The following OCA2 variants were observed in gnomAD, a reference collection of about 807,000 sequenced individuals.
OCA2 encodes OCA2 melanosomal transmembrane protein.
In OCA2, 77 loss-of-function variants were observed where a neutral mutation model predicts 100.2. That is an observed-to-expected ratio of 0.77 (90% CI 0.64 to 0.93). The LOEUF (loss-of-function observed/expected upper bound fraction) is 0.93. OCA2 is among the 40% of genes least tolerant of loss of function. The pLI is 0.00. For synonymous variants in OCA2, 432 were observed against 439.2 expected (o/e 0.98, Z 0.21); for missense variants, 1,062 against 1,089.1 (o/e 0.98, Z 0.35).
At chr15:27,726,213 G>T in the OCA2 span, among the ~76,000 whole-genome samples, 1 of 151,958 alleles carries the variant, frequency 6.6e-6, no homozygotes, top group Non-Finnish European at 1.5e-5. Context: ...CAGGAGAATC[G>T]CTCTAATCTG....
intron 1 of OCA2, among the ~76,000 whole-genome samples, chr15:28,087,797 A>C (rs2141947289): frequency 6.6e-6 from 1 of 152,258 alleles, no homozygotes; most frequent in African/African-American, 2.4e-5. Context: ...ACGGTGGCTC[A>C]CAACCTGTAA....
At chr15:28,064,358 T>C (rs979614601) in intron 2 of OCA2, among the ~76,000 whole-genome samples, 2 of 149,808 alleles carry the variant, frequency 1.3e-5, no homozygotes, top group Non-Finnish European at 3.0e-5. Context: ...TCTGGTCCTT[T>C]CTCTCTCTCT....
intron 19 of OCA2, among the ~76,000 whole-genome samples, chr15:27,883,466 A>T (rs537029227): frequency 1.8e-4 from 28 of 152,152 alleles, no homozygotes; most frequent in Non-Finnish European, 1.3e-4. Context: ...TCTTGCCAAT[A>T]TCTAAAATTT....
chr15:27,930,466 G>C lies in OCA2; in HGVS notation c.1952-4212C>G, dbSNP rs992939701. On this transcript the variant is annotated intron_variant, in intron 18 of 23. Coordinates refer to ENST00000354638, the MANE Select transcript of OCA2 (RefSeq NM_000275.3). ...CAGGGTTTGACAAGCTATAGTCCAT[G>C]GGTCAAATCTGACCCCCTGCTTGTT... Among the ~76,000 whole-genome samples the C allele has an allele frequency of 2.0e-5, 3 of 151,808 alleles. 1 individual carries two copies.
Position 27,871,187 on chromosome 15 carries a change from G to T in OCA2, c.2211C>A (p.Ser737=). 6.2e-7 allele frequency: 1 copy of T among 1,614,004 alleles called. No individual in the cohort carries two copies. The highest frequency in any genetic ancestry group is 8.5e-7 in the Non-Finnish European group (1 of 1,179,944). The change falls in exon 21 of 24, where the codon TCC becomes TCA. Residue 737 remains serine, a synonymous_variant. Coordinates refer to ENST00000354638, the MANE Select transcript of OCA2 (RefSeq NM_000275.3). ...LVVWVSALAS[S]LIDNIPFTAT... ...CAGTGAACGGGATGTTGTCAATCAGGGACGACGCCAGGGCTGAGACCCACA... is the reference window on the plus strand; with the variant it reads ...CAGTGAACGGGATGTTGTCAATCAGTGACGACGCCAGGGCTGAGACCCACA...
At chr15:28,011,977 C>T (rs1306141073) in intron 9 of OCA2, among the ~76,000 whole-genome samples, 1 of 125,438 alleles carries the variant, frequency 8.0e-6, no homozygotes, top group Non-Finnish European at 1.7e-5. Context: ...GCTTTGTCTC[C>T]AAAAAAAAAA....
chr15:27,987,328 G>T (rs146753260), intron 11 of OCA2, among the ~76,000 whole-genome samples: 117 of 152,278 alleles, frequency 7.7e-4, no homozygotes, highest in African/African-American at 2.7e-3. Flanking sequence ...GAATGTTCTG[G>T]AAGTTCCTCT....
intron 23 of OCA2, among the ~76,000 whole-genome samples, chr15:27,770,084 C>G (rs1418300869): frequency 6.6e-6 from 1 of 152,176 alleles, no homozygotes; most frequent in Admixed American, 6.5e-5. Context: ...GCCTGCAGTG[C>G]CCCCCACCCC....
At position 27,854,302 on chromosome 15, in the gene OCA2, T is replaced by C. The variant is rs552753614; in HGVS notation, c.2245-2827A>G. Among the ~76,000 whole-genome samples the C allele has an allele frequency of 2.0e-5, 3 of 152,020 alleles. No homozygotes were observed. The East Asian group carries it at 5.8e-4, about 29-fold the overall frequency. On this transcript the variant is annotated intron_variant, in intron 21 of 23. Transcript: ENST00000354638. Reference sequence around the variant, plus strand: ...CAGGGTCCGCCCAGCCCCAGCGGAGTCCAGACCAGGAAGCTGCAGCCAGGC... The same window carrying C: ...CAGGGTCCGCCCAGCCCCAGCGGAGCCCAGACCAGGAAGCTGCAGCCAGGC...
At chr15:27,730,732 A>AATATATTTTTATATATATAT in the OCA2 span, among the ~76,000 whole-genome samples, 5 of 102,012 alleles carry the variant, frequency 4.9e-5, no homozygotes, top group African/African-American at 1.7e-4. Flanking sequence ...AAAAAGACCA[A>AATATATTTTTATATATATAT]ATATATATAT....
chr15:28,059,542 G>A (rs1213072925), intron 2 of OCA2, among the ~76,000 whole-genome samples: 4 of 152,138 alleles, frequency 2.6e-5, no homozygotes, highest in Admixed American at 6.5e-5. Context: ...CCCTGTCTCA[G>A]AAATAGTAAT....
intron 9 of OCA2, among the ~76,000 whole-genome samples, chr15:28,004,859 T>A (rs534472278): frequency 6.6e-6 from 1 of 151,930 alleles, no homozygotes; most frequent in East Asian, 2.0e-4. Context: ...AGTCACACAC[T>A]CACATGCACC....
intron 15 of OCA2, among the ~76,000 whole-genome samples, chr15:27,961,101 T>C (rs2040396411): frequency 6.6e-6 from 1 of 151,726 alleles, no homozygotes. Flanking sequence ...TAAACAAATT[T>C]ACAAGAAAAA....
At chr15:27,840,722 G>T (rs60209080) in intron 23 of OCA2, among the ~76,000 whole-genome samples, 11,764 of 152,102 alleles carry the variant, frequency 0.077, 514 homozygotes, top group African/African-American at 0.11. Context: ...AAAAATAAAA[G>T]AAAATAAAAC....
chr15:27,970,388 G>A (rs1281575503), intron 14 of OCA2, among the ~76,000 whole-genome samples: 2 of 152,194 alleles, frequency 1.3e-5, no homozygotes, highest in African/African-American at 4.8e-5. Context: ...ACACCCAAGG[G>A]AGTGGGGGAA....
chr15:28,026,265 A>G (rs2042744416), intron 4 of OCA2, among the ~76,000 whole-genome samples: 1 of 152,238 alleles, frequency 6.6e-6, no homozygotes, highest in Admixed American at 6.5e-5. Flanking sequence ...ACTGAATGCA[A>G]AAGTCTCAAA....
chr15:27,828,292 A>T (rs2151301744), intron 23 of OCA2, among the ~76,000 whole-genome samples: 1 of 152,252 alleles, frequency 6.6e-6, no homozygotes, highest in South Asian at 2.1e-4. Flanking sequence ...GTTCCCAAGG[A>T]GATTTCCACT....
At chr15:27,733,102 T>C in the OCA2 span, among the ~76,000 whole-genome samples, 1 of 152,230 alleles carries the variant, frequency 6.6e-6, no homozygotes, top group African/African-American at 2.4e-5. Flanking sequence ...ATGCCTGCAT[T>C]CTTTTGAACT....
chr15:27,847,897 C>A (rs1044954736), intron 22 of OCA2, among the ~76,000 whole-genome samples: 5 of 152,186 alleles, frequency 3.3e-5, no homozygotes, highest in African/African-American at 4.8e-5. Context: ...CCAGACACAG[C>A]GACAGCAGAG....
Sources: gnomAD v4.1 joint callset for allele counts (sites outside exome capture counted in the v4.1 genomes callset) on GRCh38, gnomAD v4.1.1 for gene constraint, MANE v1.5 for transcripts, NCBI Gene and HGNC (gene_info 2026-07-23, HGNC 2026-07-21) for gene names.